Variants in RFX3 observed in about 807,000 individuals in gnomAD.
The protein encoded by RFX3 is regulatory factor X3, also known as transcription factor RFX3.
Under a neutral mutation model 98.6 loss-of-function variants are expected in RFX3, and 14 were observed. That is an observed-to-expected ratio of 0.14 (90% CI 0.09 to 0.22). RFX3 has a LOEUF of 0.22. Ranked by LOEUF, RFX3 falls within the 10% of genes least tolerant of loss-of-function variation. The probability of loss-of-function intolerance (pLI) is 1.00; values close to 1 mark genes in which losing one functional copy is unlikely to be tolerated. For missense variants in RFX3, 639 were observed against 926.9 expected, an observed-to-expected ratio of 0.69 and a Z score of 4.03; for synonymous variants, 383 against 328.4, an observed-to-expected ratio of 1.17 and a Z score of -1.80.
At chr9:3,369,995 ATT>A (rs71324244) in intron 2 of RFX3, among the ~76,000 whole-genome samples, 18 of 132,594 alleles carry the variant, frequency 1.4e-4, no homozygotes, top group African/African-American at 2.3e-4. Flanking sequence ...CGCCCGGCTA[ATT>A]TTTTTTTTTT....
At chr9:3,355,853 T>A (rs1835686153) in intron 2 of RFX3, among the ~76,000 whole-genome samples, 1 of 151,734 alleles carries the variant, frequency 6.6e-6, no homozygotes, top group African/African-American at 2.4e-5. Context: ...ACCAAAAACA[T>A]TAAATTCGAA....
intron 2 of RFX3, among the ~76,000 whole-genome samples, chr9:3,360,103 T>A (rs73639804): frequency 8.7e-4 from 133 of 152,260 alleles, no homozygotes; most frequent in African/African-American, 2.9e-3. Flanking sequence ...CTTTGTGAAG[T>A]CTTTAAACTG....
rs762956176 is a variant in RFX3, at chr9:3,270,353, C to T, written c.1357+18G>A. Reference sequence around the variant, plus strand: ...GTATGAGAACAAAAGCATCCGTACTCGTCTGCATTTAACTTACTAGGAATA... The same window carrying T: ...GTATGAGAACAAAAGCATCCGTACTTGTCTGCATTTAACTTACTAGGAATA... On this transcript the variant is annotated intron_variant, in intron 11 of 16. Transcript: ENST00000617270. The T allele has an allele frequency of 3.1e-5, 49 of 1,606,160 alleles. No individual in the cohort carries two copies. Among genetic ancestry groups the T allele is most frequent in the African/African-American group, 6.7e-5 (5 of 74,586 alleles).
intron 4 of RFX3, among the ~76,000 whole-genome samples, chr9:3,314,469 G>A (rs1486515990): frequency 1.3e-5 from 2 of 152,086 alleles, no homozygotes; most frequent in Non-Finnish European, 2.9e-5. Context: ...ATCAACTAAC[G>A]AGCAAAATAA....
chr9:3,476,664 A>C (rs1361471664), intron 1 of RFX3, among the ~76,000 whole-genome samples: 1 of 152,228 alleles, frequency 6.6e-6, no homozygotes, highest in Non-Finnish European at 1.5e-5. Flanking sequence ...TCTTTTATGT[A>C]TCATAAGCCC....
intron 5 of RFX3, among the ~76,000 whole-genome samples, chr9:3,294,213 C>T (rs375742584): frequency 6.6e-5 from 10 of 152,112 alleles, no homozygotes; most frequent in East Asian, 1.9e-4. Flanking sequence ...CACATATTGT[C>T]TCCATGCCTG....
intron 2 of RFX3, among the ~76,000 whole-genome samples, chr9:3,395,085 C>T (rs960012538): frequency 1.3e-5 from 2 of 152,130 alleles, no homozygotes; most frequent in East Asian, 1.9e-4. Context: ...TTAAGTACTA[C>T]TGTGAGCCAA....
rs1262052563 is a variant in RFX3 at position 3,218,510 on chromosome 9, C to A, written c.*6532G>T. 1 of 152,032 alleles carries A rather than the reference C, an allele frequency of 6.6e-6. No homozygotes were observed. The highest frequency in any genetic ancestry group is 1.5e-5 in the Non-Finnish European group (1 of 67,994). 9.4% of individuals were successfully genotyped at this position (152,032 alleles called of 1,614,324 possible). On this transcript the variant is annotated 3_prime_UTR_variant, in exon 17 of 17. Coordinates refer to ENST00000617270, the MANE Select transcript of RFX3 (RefSeq NM_001282116.2). ...AAAGTTCCCCAGTTATTGTACAGTA[C>A]ACAATACAAATCGCCCACAAACTAT...
rs1817326181 is a variant in RFX3, at chr9:3,221,221, A to G, written c.*3821T>C. Reference sequence around the variant, plus strand: ...CCTTTTACACTAATGTTTCAAGCACAGCATTATTTTAGACATTTCAAATAT... The same window carrying G: ...CCTTTTACACTAATGTTTCAAGCACGGCATTATTTTAGACATTTCAAATAT... On this transcript the variant is annotated 3_prime_UTR_variant, in exon 17 of 17. Transcript: ENST00000617270. 6.6e-6 allele frequency: 1 copy of G among 152,120 alleles called. No individual in the cohort carries two copies. The highest frequency in any genetic ancestry group is 2.4e-5 in the African/African-American group (1 of 41,422). The allele number at this position is 152,120 out of a possible 1,614,324, so 9.4% of individuals were successfully genotyped here. A position where few individuals can be genotyped will look rare whatever the true frequency, so the allele number is the denominator to read the frequency against.
chr9:3,498,454 G>A (rs1184749468), intron 1 of RFX3, among the ~76,000 whole-genome samples: 1 of 151,920 alleles, frequency 6.6e-6, no homozygotes, highest in East Asian at 1.9e-4. Flanking sequence ...GAAACAGAGG[G>A]CCACAGCAAG....
At chr9:3,460,144 T>G (rs1240252414) in intron 1 of RFX3, among the ~76,000 whole-genome samples, 1 of 152,052 alleles carries the variant, frequency 6.6e-6, no homozygotes, top group Non-Finnish European at 1.5e-5. Flanking sequence ...AGCTTAGATA[T>G]GAATACACAA....
intron 1 of RFX3, chr9:3,400,333 T>C (rs779512452): frequency 8.5e-6 from 3 of 352,862 alleles, no homozygotes; most frequent in African/African-American, 2.2e-5. Context: ...AAAACAATGG[T>C]TGTAAAACAT....
At chr9:3,470,914 T>C (rs1220650405) in intron 1 of RFX3, among the ~76,000 whole-genome samples, 2 of 152,214 alleles carry the variant, frequency 1.3e-5, no homozygotes, top group Non-Finnish European at 2.9e-5. Flanking sequence ...TTAAGATGTT[T>C]GGGAACAGAT....
At chr9:3,455,787 T>G (rs192285964) in intron 1 of RFX3, among the ~76,000 whole-genome samples, 2 of 152,216 alleles carry the variant, frequency 1.3e-5, no homozygotes, top group East Asian at 3.8e-4. Flanking sequence ...TCCCAGATAC[T>G]TCTTAAAACC....
At chr9:3,457,767 A>T (rs76480377) in intron 1 of RFX3, among the ~76,000 whole-genome samples, 2,501 of 152,152 alleles carry the variant, frequency 0.016, 70 homozygotes, top group African/African-American at 0.057. Flanking sequence ...CACACACTTC[A>T]TTCATTCAAT....
intron 2 of RFX3, among the ~76,000 whole-genome samples, chr9:3,370,602 A>G (rs1837732098): frequency 6.6e-6 from 1 of 152,120 alleles, no homozygotes; most frequent in East Asian, 1.9e-4. Context: ...TAGAGTGATA[A>G]AAATGCCTTA....
chr9:3,523,285 T>G (rs911340308), intron 1 of RFX3, among the ~76,000 whole-genome samples: 1 of 152,156 alleles, frequency 6.6e-6, no homozygotes, highest in African/African-American at 2.4e-5. Flanking sequence ...CAAGAGAGTA[T>G]CAATACATAA....
chr9:3,485,593 G>A (rs991907069), intron 1 of RFX3, among the ~76,000 whole-genome samples: 6 of 152,046 alleles, frequency 3.9e-5, no homozygotes, highest in South Asian at 2.1e-4. Context: ...TACATAATAC[G>A]GAATTTGTAA....
chr9:3,456,555 C>T (rs945857836), intron 1 of RFX3, among the ~76,000 whole-genome samples: 3 of 152,044 alleles, frequency 2.0e-5, no homozygotes, highest in South Asian at 2.1e-4. Flanking sequence ...GTGAAAAAAA[C>T]GGCCACATCA....
Sources: allele counts gnomAD v4.1 joint callset (sites outside exome capture counted in the v4.1 genomes callset), GRCh38; gene constraint gnomAD v4.1.1; transcripts MANE v1.5; gene names NCBI Gene and HGNC (gene_info 2026-07-23, HGNC 2026-07-21).